The following GALNT13 variants were observed in gnomAD, a reference collection of about 807,000 sequenced individuals.
The protein encoded by GALNT13 is polypeptide N-acetylgalactosaminyltransferase 13.
Under a neutral mutation model 64.2 loss-of-function variants are expected in GALNT13, and 28 were observed. The observed-to-expected ratio is 0.44, with a 90% CI of 0.32 to 0.60. GALNT13 has a LOEUF of 0.60. Ranked by LOEUF, GALNT13 falls within the 20% of genes least tolerant of loss-of-function variation. GALNT13 has a pLI of 0.05. For missense variants in GALNT13, 577 were observed against 669.8 expected, an observed-to-expected ratio of 0.86 and a Z score of 1.53; for synonymous variants, 214 against 224.6, an observed-to-expected ratio of 0.95 and a Z score of 0.42.
At chr2:153,664,267 A>G in the GALNT13 span, among the ~76,000 whole-genome samples, 2 of 152,146 alleles carry the variant, frequency 1.3e-5, no homozygotes, top group African/African-American at 2.4e-5. Context: ...ACCCCTGGGA[A>G]TGCATTCCTT....
intron 3 of GALNT13, among the ~76,000 whole-genome samples, chr2:154,005,749 G>A (rs1283019795): frequency 2.6e-4 from 40 of 152,014 alleles, no homozygotes; most frequent in Admixed American, 2.6e-3. Context: ...AACAACTGCT[G>A]CTATCAAGAG....
chr2:153,400,735 G>A, the GALNT13 span, among the ~76,000 whole-genome samples: 1 of 152,136 alleles, frequency 6.6e-6, no homozygotes, highest in Non-Finnish European at 1.5e-5. Context: ...AGTATTCTCT[G>A]ATGGTAGTTT....
At chr2:153,534,277 G>A in the GALNT13 span, among the ~76,000 whole-genome samples, 2 of 152,046 alleles carry the variant, frequency 1.3e-5, no homozygotes, top group East Asian at 1.9e-4. Flanking sequence ...CAGAAATAGC[G>A]GTAAATAGGC....
At chr2:153,554,093 G>A in the GALNT13 span, among the ~76,000 whole-genome samples, 1 of 151,550 alleles carries the variant, frequency 6.6e-6, no homozygotes, top group African/African-American at 2.4e-5. Flanking sequence ...AAGGTGGGCG[G>A]ATCACGAGGT....
At position 153,921,974 on chromosome 2, in the gene GALNT13, T is replaced by C. The variant is rs117938165; in HGVS notation, c.-105+20967T>C. On this transcript the variant is annotated intron_variant, in intron 2 of 12. Coordinates refer to ENST00000392825, the MANE Select transcript of GALNT13 (RefSeq NM_052917.4). ...TAAATACGTTAAAATACATCTATAA[T>C]TTTAAAAATATGAGGAGTGGAATAA... Among the ~76,000 whole-genome samples the C allele has an allele frequency of 2.8e-4, 42 of 152,250 alleles. 2 individuals are homozygous for C. In the East Asian group the frequency reaches 7.7e-3, roughly 28 times the overall value.
At chr2:153,699,187 A>G in the GALNT13 span, among the ~76,000 whole-genome samples, 2 of 152,100 alleles carry the variant, frequency 1.3e-5, no homozygotes, top group Admixed American at 1.3e-4. Flanking sequence ...CAAGAAATTC[A>G]CTCAAAAATA....
chr2:153,628,057 T>G, the GALNT13 span, among the ~76,000 whole-genome samples: 1 of 152,172 alleles, frequency 6.6e-6, no homozygotes, highest in African/African-American at 2.4e-5. Context: ...CTTGAAGCGG[T>G]CCTTCACGTC....
chr2:153,270,981 G>A, the GALNT13 span, among the ~76,000 whole-genome samples: 4 of 152,032 alleles, frequency 2.6e-5, no homozygotes, highest in Non-Finnish European at 5.9e-5. Context: ...CTCATAAAAC[G>A]TAATCCATCA....
At chr2:153,478,241 A>T in the GALNT13 span, 1 of 1,606,968 alleles carries the variant, frequency 6.2e-7, no homozygotes, top group Non-Finnish European at 8.5e-7. Flanking sequence ...GCGGGTCAGT[A>T]GGGCCCCACG....
At chr2:153,283,408 C>A in the GALNT13 span, among the ~76,000 whole-genome samples, 2 of 152,096 alleles carry the variant, frequency 1.3e-5, no homozygotes, top group African/African-American at 4.8e-5. Flanking sequence ...CTATAATATG[C>A]ACAGAAAGGA....
chr2:153,996,908 A>AT (rs1695558965), intron 3 of GALNT13, among the ~76,000 whole-genome samples: 1 of 151,858 alleles, frequency 6.6e-6, no homozygotes, highest in African/African-American at 2.4e-5. Flanking sequence ...CCTGGGACCA[A>AT]TTTTCTTTAA....
In GALNT13 at chr2:153,915,261, A is replaced by G. The variant is rs78333887; in HGVS notation, c.-105+14254A>G. ...CCTAAAAGGCTAAATTTTGCTTTGTATTAGAGAAAATTTTGGGGAATTGGT... is the reference window on the plus strand; with the variant it reads ...CCTAAAAGGCTAAATTTTGCTTTGTGTTAGAGAAAATTTTGGGGAATTGGT... On this transcript the variant is annotated intron_variant, in intron 2 of 12. Coordinates refer to ENST00000392825, the MANE Select transcript of GALNT13 (RefSeq NM_052917.4). Among the ~76,000 whole-genome samples, 860 of 152,256 alleles carry G rather than the reference A, an allele frequency of 5.6e-3. 12 individuals are homozygous for G. Among genetic ancestry groups the G allele is most frequent in the East Asian group, 0.055 (285 of 5,172 alleles).
At chr2:154,152,192 C>G (rs1341497028) in intron 4 of GALNT13, among the ~76,000 whole-genome samples, 1 of 152,086 alleles carries the variant, frequency 6.6e-6, no homozygotes, top group Non-Finnish European at 1.5e-5. Flanking sequence ...ACTTCTGAAG[C>G]TTAGTTTGGC....
intron 4 of GALNT13, among the ~76,000 whole-genome samples, chr2:154,174,562 G>A (rs1685544791): frequency 6.6e-6 from 1 of 152,128 alleles, no homozygotes; most frequent in African/African-American, 2.4e-5. Flanking sequence ...ACTTGTACTT[G>A]TCTAAAATAA....
intron 9 of GALNT13, among the ~76,000 whole-genome samples, chr2:154,352,028 C>T (rs766221167): frequency 2.6e-5 from 4 of 152,000 alleles, no homozygotes; most frequent in Admixed American, 6.6e-5. Flanking sequence ...TTCATTCATA[C>T]TTTTTCAGTG....
chr2:154,210,067 C>T (rs1687680760), intron 4 of GALNT13, among the ~76,000 whole-genome samples: 1 of 152,072 alleles, frequency 6.6e-6, no homozygotes, highest in Non-Finnish European at 1.5e-5. Context: ...TTTTAGATTC[C>T]ACTCATAAGT....
chr2:153,210,152 A>T, the GALNT13 span, among the ~76,000 whole-genome samples: 2 of 152,036 alleles, frequency 1.3e-5, no homozygotes, highest in Admixed American at 6.6e-5. Context: ...CTTCCTCTTA[A>T]GTCTGTATGC....
the GALNT13 span, among the ~76,000 whole-genome samples, chr2:153,534,769 T>G: frequency 6.6e-6 from 1 of 152,036 alleles, no homozygotes; most frequent in East Asian, 1.9e-4. Flanking sequence ...CACAAGGTAA[T>G]GTCGTTACTT....
At chr2:154,012,772 T>G (rs2105252884) in intron 3 of GALNT13, among the ~76,000 whole-genome samples, 1 of 152,240 alleles carries the variant, frequency 6.6e-6, no homozygotes, top group Non-Finnish European at 1.5e-5. Context: ...TTTTTATTTG[T>G]TTATATGTCT....
Sources: allele counts gnomAD v4.1 joint callset (sites outside exome capture counted in the v4.1 genomes callset), GRCh38; gene constraint gnomAD v4.1.1; transcripts MANE v1.5; gene names NCBI Gene and HGNC (gene_info 2026-07-23, HGNC 2026-07-21).